Variants in ITPKA observed in about 807,000 individuals in gnomAD.
ITPKA encodes inositol-trisphosphate 3-kinase A.
ITPKA carries 16 observed loss-of-function variants against 40.7 expected under a neutral mutation model. The ratio of observed to expected loss-of-function variants is 0.39; its 90% CI spans 0.27 to 0.60. The LOEUF (loss-of-function observed/expected upper bound fraction) is 0.60. Among genes scored for constraint, ITPKA ranks in the 20% least tolerant of loss-of-function variants. The pLI is 0.50. For synonymous variants in ITPKA, 313 were observed against 289.9 expected, an observed-to-expected ratio of 1.08 and a Z score of -0.81; for missense variants, 540 against 649.3, an observed-to-expected ratio of 0.83 and a Z score of 1.83.
intron 1 of ITPKA, among the ~76,000 whole-genome samples, chr15:41,497,537 T>C (rs2026945): frequency 0.16 from 24,635 of 152,134 alleles, 2,544 homozygotes; most frequent in Non-Finnish European, 0.22. Context: ...CTTACATTCA[T>C]TTTTAAAAGC....
intron 4 of ITPKA, 68 bp downstream of exon 4, chr15:41,502,269 T>A: frequency 2.2e-6 from 3 of 1,367,876 alleles, no homozygotes; most frequent in Non-Finnish European, 3.0e-6. Context: ...GATCCCCCGC[T>A]CCCGCCCCGC....
intron 1 of ITPKA, among the ~76,000 whole-genome samples, chr15:41,499,984 C>T (rs1182344977): frequency 3.9e-5 from 6 of 152,070 alleles, no homozygotes; most frequent in Admixed American, 2.6e-4. Context: ...TTTTTTGAGA[C>T]GGAGTCTCAC....
chr15:41,494,029 G>A lies in ITPKA; in HGVS notation c.102G>A (p.Leu34=). 8.3e-7 allele frequency: 1 copy of A among 1,202,102 alleles called. No individual in the cohort carries two copies. Among genetic ancestry groups the A allele is most frequent in the Non-Finnish European group, 1.0e-6 (1 of 969,830 alleles). 74.5% of individuals were successfully genotyped at this position (1,202,102 alleles called of 1,614,324 possible). ...ERAPRRSVGE[L]RLLFEARCAA... is the part of the protein sequence containing the mutation. ...CCCCGCGCCGGAGTGTCGGGGAGCTGCGCCTGCTCTTCGAGGCGCGCTGTG... is the reference window on the plus strand; with the variant it reads ...CCCCGCGCCGGAGTGTCGGGGAGCTACGCCTGCTCTTCGAGGCGCGCTGTG... The change falls in exon 1 of 7, where the codon CTG becomes CTA. Residue 34 remains leucine, a synonymous_variant. Coordinates refer to ENST00000260386, the MANE Select transcript of ITPKA (RefSeq NM_002220.3). The surrounding 1 kb of genome is among the most constrained non-coding windows in gnomAD (Gnocchi z 7.8).
At chr15:41,495,113 C>G (rs999156895) in intron 1 of ITPKA, among the ~76,000 whole-genome samples, 1 of 152,234 alleles carries the variant, frequency 6.6e-6, no homozygotes, top group Non-Finnish European at 1.5e-5. Context: ...GTCTCTGCCT[C>G]TGATAGCCTG....
At chr15:41,498,306 CAAAAAAA>C (rs761859856) in intron 1 of ITPKA, among the ~76,000 whole-genome samples, 7 of 73,706 alleles carry the variant, frequency 9.5e-5, no homozygotes, top group South Asian at 5.0e-4. Flanking sequence ...GACCTTGTCT[CAAAAAAA>C]AAAAAAAAAA....
intron 1 of ITPKA, among the ~76,000 whole-genome samples, chr15:41,496,348 A>G (rs997621674): frequency 1.3e-5 from 2 of 152,228 alleles, no homozygotes; most frequent in African/African-American, 4.8e-5. Flanking sequence ...GCCGGAGCCC[A>G]GGAAGTTTCT....
Position 41,501,428 on chromosome 15 carries a change from C to G in ITPKA, c.490-35C>G, listed in dbSNP as rs367851206. 6 of 1,578,322 alleles carry G rather than the reference C, an allele frequency of 3.8e-6. No individual in the cohort carries two copies. In the South Asian group the frequency reaches 5.8e-5, roughly 15 times the overall value. On this transcript the variant is annotated intron_variant, in intron 1 of 6. Transcript: ENST00000260386. ...AGGGAGGGCTTATGCATTGCCGAGA[C>G]GCCGATTATCAGACCTTGACCCTGT...
rs2051141061 is a variant in ITPKA at position 41,503,472 on chromosome 15, TA to T, written c.*307del. ...TCCAGAGGTGCCAGACCGCGGATTTTATTTAGCAAGCCCAGACCTTCCGGTC... is the reference window on the plus strand; with the variant it reads ...TCCAGAGGTGCCAGACCGCGGATTTTTTTAGCAAGCCCAGACCTTCCGGTC... On this transcript the variant is annotated 3_prime_UTR_variant, in exon 7 of 7. Transcript: ENST00000260386. 13 of 625,256 alleles carry T rather than the reference TA, an allele frequency of 2.1e-5. No individual in the cohort carries two copies. The highest frequency in any genetic ancestry group is 3.9e-5 in the Non-Finnish European group (13 of 331,862). 38.7% of individuals were successfully genotyped at this position (625,256 alleles called of 1,614,324 possible).
chr15:41,497,989 T>G (rs1225039808), intron 1 of ITPKA, among the ~76,000 whole-genome samples: 1 of 151,950 alleles, frequency 6.6e-6, no homozygotes, highest in Non-Finnish European at 1.5e-5. Context: ...CCGTCTCTAC[T>G]AAAAATATAA....
At position 41,493,903 on chromosome 15, in the gene ITPKA, TCAG is replaced by T. The variant is rs2051050814; in HGVS notation, c.-23_-21del. 15 of 1,002,640 alleles carry T rather than the reference TCAG, an allele frequency of 1.5e-5. No individual in the cohort carries two copies. The highest frequency in any genetic ancestry group is 6.0e-5 in the Admixed American group (1 of 16,786). 62.1% of individuals were successfully genotyped at this position (1,002,640 alleles called of 1,614,324 possible). On this transcript the variant is annotated 5_prime_UTR_variant, in exon 1 of 7. Coordinates refer to ENST00000260386, the MANE Select transcript of ITPKA (RefSeq NM_002220.3). ...CCCGGCGCGCCGCGGGCTGGTGGGC[TCAG>T]CGGCGGCGCCGGCACTGGGAAATGA...
At chr15:41,501,215 T>G in intron 1 of ITPKA, 2 of 646,846 alleles carry the variant, frequency 3.1e-6, no homozygotes, top group Non-Finnish European at 3.8e-6. Flanking sequence ...ACCGGGGGCT[T>G]CAGATGCTAA....
At position 41,502,725 on chromosome 15, in the gene ITPKA, G is replaced by A. The variant is rs929083405; in HGVS notation, c.1111-63G>A. 29 of 1,443,864 alleles carry A rather than the reference G, an allele frequency of 2.0e-5. No homozygotes were observed. The African/African-American group carries it at 3.1e-4, about 16-fold the overall frequency. 89.4% of individuals were successfully genotyped at this position (1,443,864 alleles called of 1,614,324 possible). ...ACAGCGTGGGTCCCGGCTCCTCATC[G>A]TTAGCAGGGGCTCATTTGGCGTTTA... On this transcript the variant is annotated intron_variant, in intron 5 of 6. Coordinates refer to ENST00000260386, the MANE Select transcript of ITPKA (RefSeq NM_002220.3).
rs764104815 is a variant in ITPKA at position 41,494,276 on chromosome 15, C to T, written c.349C>T (p.Pro117Ser). 18 of 1,548,148 alleles carry T rather than the reference C, an allele frequency of 1.2e-5. No homozygotes were observed. The highest frequency in any genetic ancestry group is 1.6e-5 in the Non-Finnish European group (18 of 1,154,826). The change falls in exon 1 of 7, where the codon CCG becomes TCG. Residue 117 changes from proline to serine, a missense_variant. Pro to Ser is a moderately conservative substitution (Grantham distance 74, BLOSUM62 -1). Transcript: ENST00000260386. The surrounding 1 kb of genome is among the most constrained non-coding windows in gnomAD (Gnocchi z 7.8). ...AGCGGGCTCTTCGCACCTGCAGCAG[C>T]CGCGCCGCCTTTCCACCTCGTCGGT... ...PAAGSSHLQQPRRLSTSSVSS... is the reference protein window; with the variant it reads ...PAAGSSHLQQSRRLSTSSVSS...
Position 41,503,350 on chromosome 15 carries a change from C to A in ITPKA, c.*184C>A. 1.7e-6 allele frequency: 1 copy of A among 602,412 alleles called. No homozygotes were observed. Among genetic ancestry groups the A allele is most frequent in the Middle Eastern group, 4.4e-4 (1 of 2,290 alleles). 37.3% of individuals were successfully genotyped at this position (602,412 alleles called of 1,614,324 possible). ...TGCCAGGGGTTTTGCCCACCCGGGC[C>A]CCAGCGTTCCCAGAGCCAAATGACA... On this transcript the variant is annotated 3_prime_UTR_variant, in exon 7 of 7. Coordinates refer to ENST00000260386, the MANE Select transcript of ITPKA (RefSeq NM_002220.3).
Position 41,502,932 on chromosome 15 carries a change from G to T in ITPKA, c.1183-31G>T, listed in dbSNP as rs1379158582. On this transcript the variant is annotated intron_variant, in intron 6 of 6. Coordinates refer to ENST00000260386, the MANE Select transcript of ITPKA (RefSeq NM_002220.3). ...AACCCGGCAAGGGCGTCTCTGGGCA[G>T]GGCCGCGGCCTGACGGTGCGGGGCT... The T allele has an allele frequency of 2.5e-6, 4 of 1,598,792 alleles. No individual in the cohort carries two copies. In the Admixed American group the frequency reaches 5.1e-5, roughly 21 times the overall value.
At chr15:41,502,930 C>T in intron 6 of ITPKA, 33 bp from the exon 7 acceptor site, 1 of 1,598,780 alleles carries the variant, frequency 6.3e-7, no homozygotes, top group Non-Finnish European at 8.5e-7. Context: ...CGTCTCTGGG[C>T]AGGGCCGCGG....
At position 41,494,126 on chromosome 15, in the gene ITPKA, C is replaced by T. The variant is rs1290484206; in HGVS notation, c.199C>T (p.Pro67Ser). The change falls in exon 1 of 7, where the codon CCC becomes TCC. Residue 67 changes from proline to serine, a missense_variant. Physicochemically the swap from Pro to Ser is moderately conservative, Grantham distance 74 (BLOSUM62 -1). Transcript: ENST00000260386. The surrounding 1 kb of genome is among the most constrained non-coding windows in gnomAD (Gnocchi z 7.8). The stretch of plus-strand genomic sequence containing the variant: ...GGCCAAGCGGCGTGGGGGACAGGTC[C>T]CCAACGGGCTTCCGCGGGCTCCCCC... ...RGAKRRGGQV[P>S]NGLPRAPPAP... 7.0e-6 allele frequency: 10 copies of T among 1,438,742 alleles called. No individual in the cohort carries two copies. The highest frequency in any genetic ancestry group is 9.1e-6 in the Non-Finnish European group (10 of 1,097,508). 89.1% of individuals were successfully genotyped at this position (1,438,742 alleles called of 1,614,324 possible).
chr15:41,501,943 A>C (rs1025684272), intron 3 of ITPKA, 54 bp from the exon 4 acceptor site: 487 of 1,593,136 alleles, frequency 3.1e-4, no homozygotes, highest in Middle Eastern at 5.7e-4. Flanking sequence ...GAGTGCTCGA[A>C]GGGGTCTCCG....
rs1159718805 is a variant in ITPKA, at chr15:41,501,940, C to G, written c.804-57C>G. The G allele has an allele frequency of 3.1e-6, 5 of 1,589,458 alleles. No individual in the cohort carries two copies. The East Asian group carries it at 1.1e-4, about 36-fold the overall frequency. The stretch of plus-strand genomic sequence containing the variant: ...TTGAGGGGGACCCGGGGCGAGTGCT[C>G]GAAGGGGTCTCCGTGTGCGCCCCCT... On this transcript the variant is annotated intron_variant, in intron 3 of 6. Transcript: ENST00000260386.
Sources: gnomAD v4.1 joint callset for allele counts (sites outside exome capture counted in the v4.1 genomes callset) on GRCh38, gnomAD v4.1.1 for gene constraint, Gnocchi (gnomAD v3.1) non-coding constraint, MANE v1.5 for transcripts, NCBI Gene and HGNC (gene_info 2026-07-23, HGNC 2026-07-21) for gene names.